TAF1: variants seen among roughly 807,000 people sequenced by gnomAD.
The protein encoded by TAF1 is TATA-box binding protein associated factor 1.
In TAF1, 2 loss-of-function variants were observed where a neutral mutation model predicts 138.5. That is an observed-to-expected ratio of 0.01 (90% CI 0.01 to 0.05). The LOEUF is 0.05. TAF1 is among the 10% of genes least tolerant of loss of function. The pLI, the probability that TAF1 is intolerant of heterozygous loss-of-function variation, is 1.00. For missense variants in TAF1, 709 were observed against 1,478.0 expected (o/e 0.48, Z 8.53); for synonymous variants, 437 against 503.2 (o/e 0.87, Z 1.76).
chrX:71,424,110 A>G, intron 31 of TAF1, 44 bp downstream of exon 31: 1 of 1,192,813 alleles, frequency 8.4e-7, no homozygotes. Context: ...TAATCAAGTG[A>G]CTGTGTGTGT....
chrX:71,442,037 T>C (rs1334136375), intron 32 of TAF1, among the ~76,000 whole-genome samples: 2 of 111,614 alleles, frequency 1.8e-5, no homozygotes, highest in African/African-American at 6.5e-5. Context: ...ATGGTGTATA[T>C]GTGCCACATT....
intron 22 of TAF1, among the ~76,000 whole-genome samples, chrX:71,395,668 C>T (rs1040526674): frequency 1.8e-5 from 2 of 111,916 alleles, no homozygotes; most frequent in African/African-American, 6.5e-5. Flanking sequence ...TCACAGTAGT[C>T]TTCCCTTTGT....
At chrX:71,461,216 G>A (rs1338729085) in intron 37 of TAF1, among the ~76,000 whole-genome samples, 1 of 111,007 alleles carries the variant, frequency 9.0e-6, no homozygotes, top group Admixed American at 9.7e-5. Context: ...GAACTTTATA[G>A]GTGGAACAAT....
chrX:71,458,479 T>G, intron 35 of TAF1, 113 bp downstream of exon 35: 5 of 988,296 alleles, frequency 5.1e-6, no homozygotes, highest in Non-Finnish European at 4.0e-6. Flanking sequence ...CTGGGCCCTT[T>G]GGCCCTGGGA....
At chrX:71,511,117 AT>A (rs2039723931) in intron 13 of TAF1, among the ~76,000 whole-genome samples, 1 of 110,534 alleles carries the variant, frequency 9.0e-6, no homozygotes, top group African/African-American at 3.3e-5. Flanking sequence ...AATAAAAAAA[AT>A]AAAAAAAAAA....
chrX:71,455,318 C>G (rs2038229808), intron 34 of TAF1, among the ~76,000 whole-genome samples: 1 of 111,538 alleles, frequency 9.0e-6, no homozygotes, highest in Admixed American at 9.6e-5. Flanking sequence ...CCTGGATTGA[C>G]TCCTAGTAAA....
intron 28 of TAF1, chrX:71,420,312 A>G: frequency 8.7e-7 from 1 of 1,153,908 alleles, no homozygotes; most frequent in Non-Finnish European, 1.2e-6. Context: ...ATCTAAGGCC[A>G]GGGAAGTCCT....
In TAF1 at chrX:71,378,852, G is replaced by T. The variant is rs779109409; in HGVS notation, c.1181G>T (p.Gly394Val). ...TTTAGGAAACTTGAGGAAAACAATG[G>T]CACTGATCTTCTGGCTGATGAAAAC... is the stretch of plus-strand genomic sequence containing the variant. ...EEFRKLEENNGTDLLADENFL... is the reference protein window; with the variant it reads ...EEFRKLEENNVTDLLADENFL... The change falls in exon 8 of 38, where the codon GGC becomes GTC. Residue 394 changes from glycine to valine, a missense_variant. This residue lies in a region of TAF1 where 201 missense variants were observed against 421.3 expected (regional missense o/e 0.48). Transcript: ENST00000423759. 12 of 1,211,320 alleles carry T rather than the reference G, an allele frequency of 9.9e-6. No individual in the cohort carries two copies. In the South Asian group the frequency reaches 1.9e-4, roughly 19 times the overall value.
At chrX:71,429,831 G>C (rs758683845) in intron 32 of TAF1, among the ~76,000 whole-genome samples, 1 of 110,963 alleles carries the variant, frequency 9.0e-6, no homozygotes, top group South Asian at 3.9e-4. Context: ...TAAATGGTTA[G>C]AAGTTGGGGG....
At chrX:71,372,869 TTTTG>T (rs774809923) in intron 3 of TAF1, among the ~76,000 whole-genome samples, 11 of 111,557 alleles carry the variant, frequency 9.9e-5, no homozygotes, top group African/African-American at 3.6e-4. Context: ...ATACTTACTT[TTTTG>T]TTTGTTTGTT....
At chrX:71,378,153 C>T (rs913293351) in intron 6 of TAF1, 82 bp from the exon 7 acceptor site, 19 of 993,630 alleles carry the variant, frequency 1.9e-5, no homozygotes, top group Non-Finnish European at 2.6e-5. Context: ...CTAAGTTCCC[C>T]TCCTGACTGT....
Position 71,381,685 on chromosome X carries a change from G to T in TAF1, c.1361-58G>T, listed in dbSNP as rs1236268157. 3 of 1,138,415 alleles carry T rather than the reference G, an allele frequency of 2.6e-6. No individual in the cohort carries two copies. In the Admixed American group the frequency reaches 7.3e-5, roughly 28 times the overall value. 93.8% of individuals were successfully genotyped at this position (1,138,415 alleles called of 1,213,427 possible). A position where few individuals can be genotyped will look rare whatever the true frequency, so the allele number is the denominator to read the frequency against. Reference sequence around the variant, plus strand: ...CTCTTTTTATCTTTGCCAGAATCTTGATTGAAAGGGGCATAAATGTTTTCT... The same window carrying T: ...CTCTTTTTATCTTTGCCAGAATCTTTATTGAAAGGGGCATAAATGTTTTCT... On this transcript the variant is annotated intron_variant, in intron 8 of 37. Transcript: ENST00000423759.
chrX:71,379,123 T>TTTTTTTTTTTTTTTTTTTG, intron 8 of TAF1, 92 bp downstream of exon 8: 1 of 939,289 alleles, frequency 1.1e-6, no homozygotes, highest in African/African-American at 2.2e-5. Context: ...TTTTTTTTTT[T>TTTTTTTTTTTTTTTTTTTG]TTTTTCGGTG....
intron 37 of TAF1, among the ~76,000 whole-genome samples, chrX:71,462,717 ACATTCT>A (rs1254604421): frequency 8.9e-6 from 1 of 112,215 alleles, no homozygotes; most frequent in Non-Finnish European, 1.9e-5. Context: ...GAGGAAAAAG[ACATTCT>A]CAAACTACTG....
chrX:71,515,342 C>T (rs1602099911), intron 13 of TAF1, among the ~76,000 whole-genome samples: 1 of 111,727 alleles, frequency 9.0e-6, no homozygotes. Context: ...AGCTCTTCAC[C>T]CCAGAGGCAG....
At chrX:71,399,279 CAG>C (rs1291355762) in intron 24 of TAF1, among the ~76,000 whole-genome samples, 34 of 63,762 alleles carry the variant, frequency 5.3e-4, no homozygotes, top group African/African-American at 2.2e-3. Flanking sequence ...TTTTTTGAAA[CAG>C]AGTCTCACTC....
chrX:71,410,519 G>A (rs1045533357), intron 28 of TAF1, among the ~76,000 whole-genome samples: 1 of 97,637 alleles, frequency 1.0e-5, no homozygotes, highest in Admixed American at 1.2e-4. Flanking sequence ...GTGCAGTGGC[G>A]CTGTCTTGGC....
exon 14 of TAF1, chrX:71,528,579 A>T (rs1465005588): frequency 9.1e-6 from 3 of 331,058 alleles, no homozygotes; most frequent in South Asian, 7.8e-5. Flanking sequence ...GGATCCACAA[A>T]GATCTCTGGA....
intron 28 of TAF1, chrX:71,414,018 A>G (rs1459058316): frequency 6.5e-5 from 7 of 107,313 alleles, no homozygotes; most frequent in Non-Finnish European, 1.3e-4. Context: ...CATTTGTTGT[A>G]TAACTGATGA....
Sources: gnomAD v4.1 joint callset for allele counts (sites outside exome capture counted in the v4.1 genomes callset) on GRCh38, gnomAD v4.1.1 for gene constraint, gnomAD v4.1.1 regional missense constraint, MANE v1.5 for transcripts, NCBI Gene and HGNC (gene_info 2026-07-23, HGNC 2026-07-21) for gene names.